Variants in CIMAP1D observed in about 807,000 individuals in gnomAD.
CIMAP1D encodes the protein protein CIMAP1D.
chr19:481,981 G>A, the CIMAP1D span, among the ~76,000 whole-genome samples: 2 of 151,778 alleles, frequency 1.3e-5, no homozygotes, highest in African/African-American at 4.8e-5. Flanking sequence ...TTGCTATGTT[G>A]CCCAGGCTGG....
At chr19:488,430 G>A in the CIMAP1D span, among the ~76,000 whole-genome samples, 1 of 152,220 alleles carries the variant, frequency 6.6e-6, no homozygotes, top group African/African-American at 2.4e-5. Flanking sequence ...GCTGAGGCAG[G>A]AGAATGGCGT....
the CIMAP1D span, among the ~76,000 whole-genome samples, chr19:481,435 TG>T: frequency 1.7e-4 from 11 of 63,246 alleles, no homozygotes; most frequent in African/African-American, 7.7e-4. Context: ...AGAAGGATGA[TG>T]GGGAAGGATG....
chr19:465,247 G>A, the CIMAP1D span, among the ~76,000 whole-genome samples: 3 of 139,482 alleles, frequency 2.2e-5, no homozygotes, highest in South Asian at 4.8e-4. Flanking sequence ...AAGGAGGGGC[G>A]GGTGGATGGG....
chr19:464,525 T>C, the CIMAP1D span, among the ~76,000 whole-genome samples: 1 of 152,202 alleles, frequency 6.6e-6, no homozygotes, highest in East Asian at 1.9e-4. Flanking sequence ...ATGGTCTGTG[T>C]TTCAAGCCTC....
the CIMAP1D span, chr19:474,547 C>A: frequency 7.5e-7 from 1 of 1,341,696 alleles, no homozygotes; most frequent in Non-Finnish European, 9.8e-7. Context: ...GCTCCCAGAA[C>A]ATTCCAGAAG....
chr19:475,070 G>GC, the CIMAP1D span: 3 of 268,562 alleles, frequency 1.1e-5, no homozygotes, highest in Non-Finnish European at 2.1e-5. Context: ...GGCAGCTGGG[G>GC]CCAGGGCCGG....
the CIMAP1D span, among the ~76,000 whole-genome samples, chr19:473,610 A>T: frequency 1.8e-4 from 23 of 124,600 alleles, no homozygotes; most frequent in African/African-American, 6.1e-4. Flanking sequence ...ACAGTCACAG[A>T]TGGGGAGACT....
At chr19:479,017 G>A in the CIMAP1D span, among the ~76,000 whole-genome samples, 5 of 152,250 alleles carry the variant, frequency 3.3e-5, no homozygotes, top group African/African-American at 4.8e-5. Context: ...GGCACGTCGC[G>A]CTATGGAGGA....
At chr19:488,910 G>A in the CIMAP1D span, among the ~76,000 whole-genome samples, 1 of 151,992 alleles carries the variant, frequency 6.6e-6, no homozygotes, top group East Asian at 1.9e-4. Context: ...CCCGCAGTGG[G>A]AACGCGAGGA....
chr19:491,127 C>T, the CIMAP1D span, among the ~76,000 whole-genome samples: 3 of 149,800 alleles, frequency 2.0e-5, no homozygotes, highest in Admixed American at 6.6e-5. Context: ...AAATACAAAA[C>T]TTACCTGAGC....
the CIMAP1D span, among the ~76,000 whole-genome samples, chr19:487,976 C>T: frequency 1.3e-5 from 2 of 152,116 alleles, no homozygotes; most frequent in East Asian, 1.9e-4. Context: ...TGTTCTGTTC[C>T]GATCTGATTG....
At chr19:484,299 C>T in the CIMAP1D span, among the ~76,000 whole-genome samples, 85 of 152,100 alleles carry the variant, frequency 5.6e-4, no homozygotes, top group Middle Eastern at 0.01. Context: ...CGCCACCACG[C>T]CCGGCTAATT....
the CIMAP1D span, among the ~76,000 whole-genome samples, chr19:472,857 T>C: frequency 7.2e-6 from 1 of 139,098 alleles, no homozygotes; most frequent in Non-Finnish European, 1.5e-5. Context: ...CAGGCAGAGA[T>C]ACACGGTCAC....
At chr19:481,223 G>A in the CIMAP1D span, among the ~76,000 whole-genome samples, 1 of 102,100 alleles carries the variant, frequency 9.8e-6, no homozygotes. Context: ...AAGGATGATG[G>A]GGAAGGATGA....
At chr19:470,630 A>G in the CIMAP1D span, among the ~76,000 whole-genome samples, 1 of 152,030 alleles carries the variant, frequency 6.6e-6, no homozygotes, top group Non-Finnish European at 1.5e-5. Flanking sequence ...GCTCATTCTG[A>G]AGGCTGAGAA....
chr19:464,062 G>A, the CIMAP1D span: 72 of 1,580,472 alleles, frequency 4.6e-5, no homozygotes, highest in East Asian at 4.4e-4. Flanking sequence ...GCAGGCAGGC[G>A]CTGGCGGTAG....
chr19:480,072 G>A, the CIMAP1D span, among the ~76,000 whole-genome samples: 1 of 152,256 alleles, frequency 6.6e-6, no homozygotes, highest in Non-Finnish European at 1.5e-5. Flanking sequence ...CGGGAGCCTC[G>A]CGGAGAAGGT....
At chr19:473,061 C>T in the CIMAP1D span, among the ~76,000 whole-genome samples, 241 of 106,574 alleles carry the variant, frequency 2.3e-3, no homozygotes, top group African/African-American at 3.5e-3. Context: ...CAGAGATACA[C>T]GGTCACAGAT....
the CIMAP1D span, chr19:472,472 A>ACGG: frequency 6.5e-7 from 1 of 1,546,180 alleles, no homozygotes; most frequent in Non-Finnish European, 8.7e-7. Context: ...CCCACGGTGG[A>ACGG]CGGCAGGACA....
Sources: allele counts gnomAD v4.1 joint callset (sites outside exome capture counted in the v4.1 genomes callset), GRCh38; gene constraint gnomAD v4.1.1; transcripts MANE v1.5; gene names NCBI Gene and HGNC (gene_info 2026-07-23, HGNC 2026-07-21).